ANKIB1: variants seen among roughly 807,000 people sequenced by gnomAD.
The protein encoded by ANKIB1 is ankyrin repeat and IBR domain-containing protein 1.
ANKIB1 carries 43 observed loss-of-function variants against 122.1 expected under a neutral mutation model. The observed-to-expected ratio is 0.35, with a 90% confidence interval of 0.28 to 0.45. The LOEUF is 0.45. Ranked by LOEUF, ANKIB1 falls within the 20% of genes least tolerant of loss-of-function variation. The pLI is 1.00. For missense variants in ANKIB1, 992 were observed against 1,329.5 expected, an observed-to-expected ratio of 0.75 and a Z score of 3.95; for synonymous variants, 390 against 442.0, an observed-to-expected ratio of 0.88 and a Z score of 1.48.
At chr7:92,249,254 G>A (rs1801269761) in intron 1 of ANKIB1, among the ~76,000 whole-genome samples, 1 of 152,128 alleles carries the variant, frequency 6.6e-6, no homozygotes, top group African/African-American at 2.4e-5. Context: ...TGTGTGCCAA[G>A]CACTTTTATT....
At chr7:92,342,392 A>G (rs2131975105) in intron 5 of ANKIB1, among the ~76,000 whole-genome samples, 2 of 152,318 alleles carry the variant, frequency 1.3e-5, no homozygotes, top group East Asian at 1.9e-4. Context: ...GGCTCTAGAC[A>G]TTATAGTATG....
At chr7:92,390,756 C>G (rs1183750582) in intron 15 of ANKIB1, among the ~76,000 whole-genome samples, 1 of 152,174 alleles carries the variant, frequency 6.6e-6, no homozygotes, top group Non-Finnish European at 1.5e-5. Flanking sequence ...TGCCTTAATT[C>G]AAATTCCTTC....
chr7:92,399,396 A>G lies in ANKIB1; in HGVS notation c.*447A>G, dbSNP rs1454974188. 6.6e-6 allele frequency: 1 copy of G among 152,282 alleles called. No homozygotes were observed. The allele number at this position is 152,282 out of a possible 1,614,324, so 9.4% of individuals were successfully genotyped here. A position where few individuals can be genotyped will look rare whatever the true frequency, so the allele number is the denominator to read the frequency against. On this transcript the variant is annotated 3_prime_UTR_variant, in exon 20 of 20. Coordinates refer to ENST00000265742, the MANE Select transcript of ANKIB1 (RefSeq NM_019004.2). ...ATTTTGGATAAATCCGATAACATAT[A>G]TGTCCTCAATCTCTTTGTGCTCTTC...
At chr7:92,309,923 TAAAAAAA>T (rs869276384) in intron 3 of ANKIB1, among the ~76,000 whole-genome samples, 7 of 96,094 alleles carry the variant, frequency 7.3e-5, no homozygotes, top group African/African-American at 3.1e-4. Flanking sequence ...AGACTCCATC[TAAAAAAA>T]AAAAAAAAAA....
intron 1 of ANKIB1, among the ~76,000 whole-genome samples, chr7:92,288,345 A>T (rs1331601407): frequency 6.6e-6 from 1 of 152,228 alleles, no homozygotes; most frequent in African/African-American, 2.4e-5. Context: ...ATTGAAAATC[A>T]ATTACAGAAG....
intron 5 of ANKIB1, among the ~76,000 whole-genome samples, chr7:92,339,741 A>G (rs564676650): frequency 3.3e-5 from 5 of 152,214 alleles, no homozygotes; most frequent in East Asian, 1.9e-4. Flanking sequence ...CTTATTTTCA[A>G]TTTCAATGTG....
In ANKIB1 at chr7:92,371,500, G is replaced by A. The variant is rs1804254151; in HGVS notation, c.1510G>A (p.Glu504Lys). ...AGTTGTGGGAGTTAGTGAAGCCTAC[G>A]AGGATGCCGCCAATTGTCTCTGGTT... Reference protein sequence around the residue: ...EELVGVSEAYEDAANCLWLLT... With the variant: ...EELVGVSEAYKDAANCLWLLT... Residue 504 changes from glutamate (E) to lysine (K), a missense_variant, in exon 11 of 20, where the codon GAG becomes AAG. Coordinates refer to ENST00000265742, the MANE Select transcript of ANKIB1 (RefSeq NM_019004.2). The A allele has an allele frequency of 1.2e-6, 2 of 1,606,650 alleles. No homozygotes were observed. The highest frequency in any genetic ancestry group is 8.5e-7 in the Non-Finnish European group (1 of 1,176,204).
intron 10 of ANKIB1, among the ~76,000 whole-genome samples, chr7:92,366,047 C>G (rs1804074471): frequency 6.6e-6 from 1 of 151,828 alleles, no homozygotes; most frequent in African/African-American, 2.4e-5. Context: ...CTGCCTCAGC[C>G]TCCCAAAGTG....
At chr7:92,313,247 G>A (rs1349340078) in intron 3 of ANKIB1, among the ~76,000 whole-genome samples, 1 of 152,128 alleles carries the variant, frequency 6.6e-6, no homozygotes. Flanking sequence ...ACCAAAGGTG[G>A]TAAGTCACAC....
rs1230545435 is a variant in ANKIB1 at position 92,279,194 on chromosome 7, C to T, written c.-90-15695C>T. ...GGCAGAACTCAGGGGGTAATGTTCACTTGCCCGCTGCTCACCTCGTGCTGT... is the reference window on the plus strand; with the variant it reads ...GGCAGAACTCAGGGGGTAATGTTCATTTGCCCGCTGCTCACCTCGTGCTGT... On this transcript the variant is annotated intron_variant, in intron 1 of 19. Transcript: ENST00000265742. 3.3e-5 allele frequency among the ~76,000 whole-genome samples: 5 copies of T among 152,330 alleles called. No individual in the cohort carries two copies. The South Asian group carries it at 1.0e-3, about 32-fold the overall frequency.
intron 1 of ANKIB1, among the ~76,000 whole-genome samples, chr7:92,279,718 C>T (rs1326852208): frequency 1.3e-5 from 2 of 152,118 alleles, no homozygotes; most frequent in Non-Finnish European, 2.9e-5. Flanking sequence ...TTTAACATTC[C>T]CAAAAAGCTT....
chr7:92,288,367 AATACCATGTTC>A (rs1470612948), intron 1 of ANKIB1, among the ~76,000 whole-genome samples: 5 of 152,222 alleles, frequency 3.3e-5, no homozygotes, highest in Non-Finnish European at 5.9e-5. Context: ...CATAAATAGA[AATACCATGTTC>A]ATGGATTAGG....
At chr7:92,383,596 C>G (rs1403985624) in intron 11 of ANKIB1, among the ~76,000 whole-genome samples, 1 of 152,152 alleles carries the variant, frequency 6.6e-6, no homozygotes, top group Non-Finnish European at 1.5e-5. Flanking sequence ...ATACACAAAT[C>G]AATAAACGTA....
intron 18 of ANKIB1, 70 bp from the exon 19 acceptor site, chr7:92,397,653 G>C (rs1235471415): frequency 6.4e-7 from 1 of 1,573,610 alleles, no homozygotes; most frequent in African/African-American, 1.4e-5. Flanking sequence ...TAAACAACCA[G>C]ATGTATGAAA....
intron 1 of ANKIB1, among the ~76,000 whole-genome samples, chr7:92,289,538 G>C (rs776051133): frequency 1.3e-5 from 2 of 152,112 alleles, no homozygotes; most frequent in Non-Finnish European, 1.5e-5. Context: ...TTTTGGCTTA[G>C]CATAGTTTCA....
intron 1 of ANKIB1, among the ~76,000 whole-genome samples, chr7:92,270,096 G>T (rs1801755878): frequency 6.6e-6 from 1 of 152,002 alleles, no homozygotes; most frequent in South Asian, 2.1e-4. Flanking sequence ...GGGTCTCACT[G>T]TTGTCACCCA....
At chr7:92,257,038 A>C (rs1264265014) in intron 1 of ANKIB1, among the ~76,000 whole-genome samples, 2 of 151,980 alleles carry the variant, frequency 1.3e-5, no homozygotes, top group East Asian at 3.9e-4. Context: ...AAAAATACAA[A>C]AATTAGCTGG....
intron 1 of ANKIB1, among the ~76,000 whole-genome samples, chr7:92,264,111 G>C (rs1165552636): frequency 6.7e-6 from 1 of 148,934 alleles, no homozygotes; most frequent in African/African-American, 2.5e-5. Flanking sequence ...AACACCTAGA[G>C]TATTCTTCAT....
intron 2 of ANKIB1, among the ~76,000 whole-genome samples, chr7:92,302,748 AT>A (rs1312456757): frequency 6.6e-6 from 1 of 152,280 alleles, no homozygotes; most frequent in East Asian, 1.9e-4. Flanking sequence ...CCAGTTATTG[AT>A]TTCTGTTTTT....
Sources: gnomAD v4.1 joint callset for allele counts (sites outside exome capture counted in the v4.1 genomes callset) on GRCh38, gnomAD v4.1.1 for gene constraint, MANE v1.5 for transcripts, NCBI Gene and HGNC (gene_info 2026-07-23, HGNC 2026-07-21) for gene names.